The following SRGAP1 variants were observed in gnomAD, a reference collection of about 807,000 sequenced individuals.
The protein encoded by SRGAP1 is SLIT-ROBO Rho GTPase activating protein 1.
A neutral mutation model predicts 121.9 loss-of-function variants in SRGAP1; 43 were observed. The ratio of observed to expected loss-of-function variants is 0.35; its 90% CI spans 0.28 to 0.46. The LOEUF (loss-of-function observed/expected upper bound fraction) is 0.46, where lower values mean the gene tolerates loss of function less well. Ranked by LOEUF, SRGAP1 falls within the 20% of genes least tolerant of loss-of-function variation. The pLI, the probability that SRGAP1 is intolerant of heterozygous loss-of-function variation, is 1.00. For missense variants in SRGAP1, 1,102 were observed against 1,350.9 expected, an observed-to-expected ratio of 0.82 and a Z score of 2.89; for synonymous variants, 447 against 485.4, an observed-to-expected ratio of 0.92 and a Z score of 1.04.
chr12:63,866,180 T>C (rs375360444), intron 1 of SRGAP1, among the ~76,000 whole-genome samples: 5 of 152,356 alleles, frequency 3.3e-5, no homozygotes, highest in African/African-American at 9.6e-5. Flanking sequence ...ACTTTTTGTG[T>C]AGTTGTAAGA....
At chr12:63,899,924 C>T (rs944043266) in intron 1 of SRGAP1, among the ~76,000 whole-genome samples, 1 of 152,126 alleles carries the variant, frequency 6.6e-6, no homozygotes. Context: ...AGAAATAACT[C>T]ACTAATAAAT....
At chr12:63,924,372 T>C (rs1472008641) in intron 1 of SRGAP1, among the ~76,000 whole-genome samples, 1 of 152,164 alleles carries the variant, frequency 6.6e-6, no homozygotes, top group Admixed American at 6.5e-5. Flanking sequence ...CTAATAGTGC[T>C]CCATTGACCC....
At chr12:63,922,922 ACTTGC>A (rs2031122452) in intron 1 of SRGAP1, among the ~76,000 whole-genome samples, 1 of 152,220 alleles carries the variant, frequency 6.6e-6, no homozygotes, top group Non-Finnish European at 1.5e-5. Flanking sequence ...CCACCCCAAG[ACTTGC>A]TACTTGCTCC....
chr12:63,993,884 T>A (rs1028001762), intron 3 of SRGAP1, among the ~76,000 whole-genome samples: 3 of 152,158 alleles, frequency 2.0e-5, no homozygotes, highest in Non-Finnish European at 4.4e-5. Context: ...TGAAGCATTT[T>A]AAAAATAACA....
At chr12:63,877,098 G>A (rs187031898) in intron 1 of SRGAP1, among the ~76,000 whole-genome samples, 13 of 152,218 alleles carry the variant, frequency 8.5e-5, no homozygotes, top group South Asian at 2.1e-4. Flanking sequence ...GGTGGCATGC[G>A]CCTGTAATCT....
chr12:63,849,422 T>A (rs1309547431), intron 1 of SRGAP1, among the ~76,000 whole-genome samples: 1 of 152,254 alleles, frequency 6.6e-6, no homozygotes, highest in Non-Finnish European at 1.5e-5. Context: ...TTGTTTTTAA[T>A]AATGCATGTT....
chr12:63,928,231 TA>T (rs1251287118), intron 1 of SRGAP1, among the ~76,000 whole-genome samples: 2 of 152,212 alleles, frequency 1.3e-5, no homozygotes. Context: ...GATGGGAGTA[TA>T]AAATGGTACA....
At chr12:63,880,465 A>C (rs1900159390) in intron 1 of SRGAP1, among the ~76,000 whole-genome samples, 1 of 152,054 alleles carries the variant, frequency 6.6e-6, no homozygotes, top group African/African-American at 2.4e-5. Flanking sequence ...TCCTGACCTC[A>C]AGTGATCCGC....
intron 1 of SRGAP1, among the ~76,000 whole-genome samples, chr12:63,868,079 G>GT (rs1565927744): frequency 2.3e-3 from 149 of 63,432 alleles, no homozygotes; most frequent in African/African-American, 6.8e-3. Flanking sequence ...TTTTTTTTTT[G>GT]TTTTTTTTTT....
At chr12:63,994,586 G>T (rs1361474997) in intron 3 of SRGAP1, among the ~76,000 whole-genome samples, 1 of 152,138 alleles carries the variant, frequency 6.6e-6, no homozygotes, top group African/African-American at 2.4e-5. Flanking sequence ...AGGCTGAATT[G>T]ATTTCTTCAT....
chr12:63,938,745 T>G (rs1159880209), intron 1 of SRGAP1, among the ~76,000 whole-genome samples: 4 of 152,042 alleles, frequency 2.6e-5, no homozygotes, highest in Non-Finnish European at 5.9e-5. Context: ...TTTTAGGTTT[T>G]TTTTTTTTTC....
chr12:64,041,572 C>A (rs750621894), intron 4 of SRGAP1, among the ~76,000 whole-genome samples: 15 of 151,482 alleles, frequency 9.9e-5, no homozygotes, highest in Non-Finnish European at 1.9e-4. Flanking sequence ...TTTGTAGAGA[C>A]GGTCCCGCTG....
intron 9 of SRGAP1, among the ~76,000 whole-genome samples, chr12:64,079,910 G>A (rs1426528779): frequency 6.6e-6 from 1 of 152,032 alleles, no homozygotes; most frequent in Admixed American, 6.5e-5. Context: ...CTGGATTTTA[G>A]ATCTATGAAA....
At chr12:64,139,571 A>C (rs370965506) in intron 21 of SRGAP1, among the ~76,000 whole-genome samples, 4,318 of 151,524 alleles carry the variant, frequency 0.028, 63 homozygotes, top group South Asian at 0.088. Flanking sequence ...GTCCTTCGCC[A>C]ACTTTTTGAT....
intron 21 of SRGAP1, among the ~76,000 whole-genome samples, chr12:64,128,499 AG>A (rs1283429799): frequency 6.6e-6 from 1 of 152,228 alleles, no homozygotes; most frequent in Non-Finnish European, 1.5e-5. Flanking sequence ...TTGAAAAAGA[AG>A]AATGGGAAAG....
chr12:64,127,957 C>G lies in SRGAP1; in HGVS notation c.2637C>G (p.Asn879Lys), dbSNP rs753186154. 1.9e-6 allele frequency: 3 copies of G among 1,614,258 alleles called. No individual in the cohort carries two copies. The highest frequency in any genetic ancestry group is 3.3e-5 in the Admixed American group (2 of 60,034). The change falls in exon 21 of 22, where the codon AAC becomes AAG. Residue 879 changes from asparagine (N) to lysine (K), a missense_variant. Asn to Lys is a moderately conservative substitution (Grantham distance 94). This residue lies in a region of SRGAP1 where 315 missense variants were observed against 343.1 expected (regional missense o/e 0.92). Coordinates refer to ENST00000355086, the MANE Select transcript of SRGAP1 (RefSeq NM_020762.4). ...TCCACCCTCCACATGCCCTTTCTAA[C>G]TCCTCAGTTGACCTAGGGTCCCCAA... ...CPLHPPHALS[N>K]SSVDLGSPSL...
chr12:63,956,261 T>C (rs2032465485), intron 1 of SRGAP1, among the ~76,000 whole-genome samples: 1 of 152,034 alleles, frequency 6.6e-6, no homozygotes, highest in Admixed American at 6.5e-5. Flanking sequence ...GCTCAAGCGA[T>C]CTTAAACTTC....
intron 6 of SRGAP1, among the ~76,000 whole-genome samples, chr12:64,046,781 C>T (rs1446540748): frequency 6.6e-6 from 1 of 152,098 alleles, no homozygotes; most frequent in Non-Finnish European, 1.5e-5. Flanking sequence ...ACTGGAATCG[C>T]ATATCAGGAT....
At chr12:63,951,152 C>CTTTTTTTTTTTTTTTTTTTTTTTT (rs58637983) in intron 1 of SRGAP1, among the ~76,000 whole-genome samples, 3 of 44,184 alleles carry the variant, frequency 6.8e-5, no homozygotes, top group African/African-American at 2.5e-4. Context: ...ATTTAGAACT[C>CTTTTTTTTTTTTTTTTTTTTTTTT]TTTTTTTTTT....
Sources: gnomAD v4.1 joint callset for allele counts (sites outside exome capture counted in the v4.1 genomes callset) on GRCh38, gnomAD v4.1.1 for gene constraint, gnomAD v4.1.1 regional missense constraint, MANE v1.5 for transcripts, NCBI Gene and HGNC (gene_info 2026-07-23, HGNC 2026-07-21) for gene names.